IMPG1: variants seen among roughly 807,000 people sequenced by gnomAD.
IMPG1 encodes interphotoreceptor matrix proteoglycan of 150 kDa.
In IMPG1, 85 loss-of-function variants were observed where a neutral mutation model predicts 92.0. That is an observed-to-expected ratio of 0.92 (90% confidence interval 0.78 to 1.11). IMPG1 has a LOEUF of 1.11. Among genes scored for constraint, IMPG1 ranks in the 50% least tolerant of loss-of-function variants. The pLI is 0.00. For missense variants in IMPG1, 1,022 were observed against 956.0 expected (o/e 1.07, Z -0.91); for synonymous variants, 367 against 334.1 (o/e 1.10, Z -1.08).
intron 12 of IMPG1, among the ~76,000 whole-genome samples, chr6:75,956,406 G>C (rs1782121498): frequency 6.6e-6 from 1 of 152,128 alleles, no homozygotes; most frequent in Non-Finnish European, 1.5e-5. Flanking sequence ...AGTATGCTCT[G>C]ATGGTAGTCT....
At chr6:76,004,942 C>T (rs1447738913) in intron 10 of IMPG1, among the ~76,000 whole-genome samples, 1 of 152,174 alleles carries the variant, frequency 6.6e-6, no homozygotes, top group East Asian at 1.9e-4. Flanking sequence ...CTCGCTGAGA[C>T]CTGACCAATT....
At chr6:75,929,223 G>A (rs1781619630) in intron 15 of IMPG1, among the ~76,000 whole-genome samples, 1 of 152,122 alleles carries the variant, frequency 6.6e-6, no homozygotes, top group Non-Finnish European at 1.5e-5. Context: ...CACCAGCAAT[G>A]CTTGATGGAT....
At chr6:76,046,368 CA>C (rs1467866614) in intron 1 of IMPG1, among the ~76,000 whole-genome samples, 1 of 151,730 alleles carries the variant, frequency 6.6e-6, no homozygotes, top group African/African-American at 2.4e-5. Context: ...ACCTTTAAGC[CA>C]ATAGGTTTTG....
intron 12 of IMPG1, among the ~76,000 whole-genome samples, chr6:75,997,323 C>T (rs140728734): frequency 5.3e-5 from 8 of 152,316 alleles, no homozygotes; most frequent in Non-Finnish European, 8.8e-5. Context: ...AAACTCAGTT[C>T]GGCTGAGTTG....
intron 12 of IMPG1, among the ~76,000 whole-genome samples, chr6:75,968,673 A>G (rs1357019381): frequency 6.6e-6 from 1 of 152,050 alleles, no homozygotes; most frequent in East Asian, 1.9e-4. Context: ...GCCTCTCAAC[A>G]TATTAAGTTT....
chr6:76,021,860 C>T (rs1783432361), intron 6 of IMPG1, among the ~76,000 whole-genome samples: 1 of 142,796 alleles, frequency 7.0e-6, no homozygotes, highest in South Asian at 2.3e-4. Context: ...AGAGCCCCAG[C>T]ACTCCACAGC....
intron 7 of IMPG1, among the ~76,000 whole-genome samples, chr6:76,012,805 T>C (rs1783210448): frequency 1.3e-5 from 2 of 152,182 alleles, no homozygotes; most frequent in Non-Finnish European, 2.9e-5. Flanking sequence ...TGCCACTAAA[T>C]GAATCTGCCC....
chr6:75,987,667 C>G (rs891368767), intron 12 of IMPG1, among the ~76,000 whole-genome samples: 1 of 145,030 alleles, frequency 6.9e-6, no homozygotes, highest in Non-Finnish European at 1.5e-5. Context: ...TTTTTTGAGA[C>G]AGGGTCTCAC....
At chr6:76,070,973 A>G (rs1163880354) in intron 1 of IMPG1, among the ~76,000 whole-genome samples, 2 of 152,006 alleles carry the variant, frequency 1.3e-5, no homozygotes. Flanking sequence ...CTATATTTAA[A>G]AAAAACAAGT....
chr6:76,052,526 T>A (rs992617901), intron 1 of IMPG1, among the ~76,000 whole-genome samples: 1 of 152,184 alleles, frequency 6.6e-6, no homozygotes, highest in Non-Finnish European at 1.5e-5. Context: ...CTTCTAGTAA[T>A]GGGGGAATGC....
chr6:76,004,843 C>T (rs1462523125), intron 10 of IMPG1, among the ~76,000 whole-genome samples: 6 of 152,202 alleles, frequency 3.9e-5, no homozygotes, highest in Non-Finnish European at 8.8e-5. Context: ...GGGAACTCTC[C>T]TAATCCTTTG....
chr6:75,953,675 C>A (rs1292984716), intron 12 of IMPG1, among the ~76,000 whole-genome samples: 1 of 151,924 alleles, frequency 6.6e-6, no homozygotes, highest in East Asian at 1.9e-4. Context: ...AGGTTTGTTA[C>A]ATAGGTATAA....
chr6:75,992,892 T>A (rs1394863411), intron 12 of IMPG1, among the ~76,000 whole-genome samples: 1 of 152,236 alleles, frequency 6.6e-6, no homozygotes, highest in Non-Finnish European at 1.5e-5. Flanking sequence ...TTCTTTGATA[T>A]CTCTGCTTCT....
chr6:75,977,597 A>C lies in IMPG1; in HGVS notation c.1291+25321T>G, dbSNP rs79226741. 2.1e-3 allele frequency among the ~76,000 whole-genome samples: 319 copies of C among 152,002 alleles called. 3 individuals are homozygous for C. The highest frequency in any genetic ancestry group is 7.4e-3 in the African/African-American group (305 of 41,476). On this transcript the variant is annotated intron_variant, in intron 12 of 16. Transcript: ENST00000369950. Reference sequence around the variant, plus strand: ...AGTGAAACTCTGCCTCAAAAAAAAAAAAAACAAAAAAAAACCCCCAAAAAA... The same window carrying C: ...AGTGAAACTCTGCCTCAAAAAAAAACAAAACAAAAAAAAACCCCCAAAAAA...
intron 1 of IMPG1, among the ~76,000 whole-genome samples, chr6:76,069,788 G>T (rs956338780): frequency 7.3e-4 from 111 of 151,898 alleles, no homozygotes; most frequent in African/African-American, 2.5e-3. Flanking sequence ...AAAATACTTT[G>T]CAGCCATAAA....
intron 2 of IMPG1, among the ~76,000 whole-genome samples, chr6:76,035,488 A>G (rs1204497826): frequency 2.1e-5 from 3 of 140,772 alleles, no homozygotes; most frequent in Non-Finnish European, 3.1e-5. Flanking sequence ...AACAAGAGCA[A>G]AACTCCGTCT....
intron 7 of IMPG1, among the ~76,000 whole-genome samples, chr6:76,015,487 G>A (rs116210819): frequency 0.011 from 1,599 of 152,258 alleles, 34 homozygotes; most frequent in African/African-American, 0.037. Flanking sequence ...TGGCTTATAA[G>A]TTTTTCAGAG....
chr6:76,022,797 C>T (rs529047431), intron 5 of IMPG1, among the ~76,000 whole-genome samples: 20 of 152,060 alleles, frequency 1.3e-4, no homozygotes, highest in East Asian at 5.8e-4. Flanking sequence ...AAGAAAAAAG[C>T]GTTATTATAA....
At chr6:75,979,947 T>C (rs1302051959) in intron 12 of IMPG1, among the ~76,000 whole-genome samples, 1 of 152,136 alleles carries the variant, frequency 6.6e-6, no homozygotes, top group African/African-American at 2.4e-5. Context: ...GTCAAAGTAT[T>C]TGAAATAAGA....
Sources: allele counts gnomAD v4.1 joint callset (sites outside exome capture counted in the v4.1 genomes callset), GRCh38; gene constraint gnomAD v4.1.1; transcripts MANE v1.5; gene names NCBI Gene and HGNC (gene_info 2026-07-23, HGNC 2026-07-21).